Variants in GABRA1 observed in about 807,000 individuals in gnomAD.
The protein encoded by GABRA1 is gamma-aminobutyric acid receptor subunit alpha-1.
A neutral mutation model predicts 48.9 loss-of-function variants in GABRA1; 9 were observed. The observed-to-expected ratio is 0.18, with a 90% CI of 0.11 to 0.32. The LOEUF (loss-of-function observed/expected upper bound fraction) is 0.32. Among genes scored for constraint, GABRA1 ranks in the 10% least tolerant of loss-of-function variants. The probability of loss-of-function intolerance (pLI) is 1.00; values close to 1 mark genes in which losing one functional copy is unlikely to be tolerated. For synonymous variants in GABRA1, 210 were observed against 198.7 expected (o/e 1.06, Z -0.48); for missense variants, 285 against 553.8 (o/e 0.51, Z 4.87).
rs1364695111 is a variant in GABRA1 at position 161,898,554 on chromosome 5, T to C, written c.*1132T>C. ...TATGGAAATACATTTAGAACCTGCA[T>C]TTAAGAACAGAACAGCAAGTATGAA... On this transcript the variant is annotated 3_prime_UTR_variant, in exon 10 of 10. Coordinates refer to ENST00000393943, the MANE Select transcript of GABRA1 (RefSeq NM_001127644.2). 1.3e-5 allele frequency: 2 copies of C among 152,274 alleles called. No individual in the cohort carries two copies. Among genetic ancestry groups the C allele is most frequent in the Non-Finnish European group, 2.9e-5 (2 of 68,006 alleles). 9.4% of individuals were successfully genotyped at this position (152,274 alleles called of 1,614,324 possible). A position where few individuals can be genotyped will look rare whatever the true frequency, so the allele number is the denominator to read the frequency against.
chr5:161,860,299 A>G (rs1044684254), intron 3 of GABRA1, among the ~76,000 whole-genome samples: 2 of 151,598 alleles, frequency 1.3e-5, no homozygotes, highest in Admixed American at 1.3e-4. Context: ...CAGTGCCAAT[A>G]TTTTCCTGAG....
intron 3 of GABRA1, among the ~76,000 whole-genome samples, chr5:161,864,349 C>T (rs1294361390): frequency 6.6e-6 from 1 of 151,942 alleles, no homozygotes; most frequent in Non-Finnish European, 1.5e-5. Flanking sequence ...GCTATCCCTC[C>T]AAAAATATTG....
In GABRA1 at chr5:161,897,475, G is replaced by T; in HGVS notation, c.*53G>T. The T allele has an allele frequency of 6.8e-7, 1 of 1,468,248 alleles. No homozygotes were observed. The highest frequency in any genetic ancestry group is 1.1e-5 in the South Asian group (1 of 88,160). 91.0% of individuals were successfully genotyped at this position (1,468,248 alleles called of 1,614,324 possible). ...TCCTCTGCACTGGGAATTTATTTAT[G>T]TTCTCAACGCAGTAATTCCCATCTG... is the stretch of plus-strand genomic sequence containing the variant. On this transcript the variant is annotated 3_prime_UTR_variant, in exon 10 of 10. Coordinates refer to ENST00000393943, the MANE Select transcript of GABRA1 (RefSeq NM_001127644.2).
chr5:161,874,496 C>T (rs1205362987), intron 5 of GABRA1, among the ~76,000 whole-genome samples: 2 of 152,132 alleles, frequency 1.3e-5, no homozygotes, highest in Non-Finnish European at 2.9e-5. Flanking sequence ...ATCCAGTACT[C>T]ATTCCTCTTA....
intron 3 of GABRA1, among the ~76,000 whole-genome samples, chr5:161,857,215 T>C (rs557793300): frequency 1.3e-5 from 2 of 151,604 alleles, no homozygotes; most frequent in South Asian, 2.1e-4. Flanking sequence ...TTCTTTATTA[T>C]GACAAAAGTC....
At chr5:161,854,104 G>A in intron 2 of GABRA1, 54 bp from the exon 3 acceptor site, 2 of 898,324 alleles carry the variant, frequency 2.2e-6, no homozygotes, top group South Asian at 1.4e-5. Context: ...TTGGAAAGAG[G>A]TTTTAGTAGA....
intron 4 of GABRA1, among the ~76,000 whole-genome samples, chr5:161,866,348 T>C (rs1177335710): frequency 6.6e-6 from 1 of 152,092 alleles, no homozygotes; most frequent in Non-Finnish European, 1.5e-5. Context: ...ATACCTGCTC[T>C]TTTTTTCTAG....
chr5:161,870,321 G>A (rs150741509), intron 4 of GABRA1, among the ~76,000 whole-genome samples: 11,157 of 152,124 alleles, frequency 0.073, 467 homozygotes, highest in South Asian at 0.12. Context: ...CAGCACTTTG[G>A]GAGGCCGAGG....
At chr5:161,880,945 A>C (rs1253175583) in intron 6 of GABRA1, among the ~76,000 whole-genome samples, 3 of 152,232 alleles carry the variant, frequency 2.0e-5, no homozygotes, top group African/African-American at 7.2e-5. Context: ...TATGACTTTT[A>C]TGAGCCCTAG....
intron 5 of GABRA1, 43 bp downstream of exon 5, chr5:161,873,380 C>A (rs1159663647): frequency 2.1e-6 from 3 of 1,454,982 alleles, no homozygotes; most frequent in East Asian, 2.3e-5. Flanking sequence ...TTCTGTACTT[C>A]ATTCCCTTCC....
At chr5:161,862,527 A>C (rs936604807) in intron 3 of GABRA1, among the ~76,000 whole-genome samples, 4 of 151,850 alleles carry the variant, frequency 2.6e-5, no homozygotes, top group African/African-American at 9.7e-5. Flanking sequence ...TCTGAATTTA[A>C]TTAGCAGAAT....
intron 4 of GABRA1, among the ~76,000 whole-genome samples, chr5:161,871,222 T>G (rs1430128988): frequency 6.6e-6 from 1 of 152,108 alleles, no homozygotes; most frequent in East Asian, 1.9e-4. Context: ...TTTATTTTAT[T>G]TTCATAAAAC....
chr5:161,849,585 C>A (rs936602642), intron 1 of GABRA1, among the ~76,000 whole-genome samples: 1 of 151,938 alleles, frequency 6.6e-6, no homozygotes, highest in African/African-American at 2.4e-5. Context: ...AATGATTTCC[C>A]GAGACTGCAG....
intron 8 of GABRA1, among the ~76,000 whole-genome samples, chr5:161,895,426 A>C (rs1755317418): frequency 6.6e-6 from 1 of 152,130 alleles, no homozygotes; most frequent in African/African-American, 2.4e-5. Context: ...TCTGAAGAGC[A>C]CCTCAATAGC....
At chr5:161,867,233 A>AAG (rs1264104200) in intron 4 of GABRA1, among the ~76,000 whole-genome samples, 18 of 152,218 alleles carry the variant, frequency 1.2e-4, no homozygotes, top group African/African-American at 4.3e-4. Context: ...CTCATGTTGG[A>AAG]ACTCAGTCTT....
intron 2 of GABRA1, chr5:161,853,583 G>A (rs1757533779): frequency 6.6e-6 from 1 of 151,818 alleles, no homozygotes; most frequent in Admixed American, 6.6e-5. Flanking sequence ...ATTGGGTCAT[G>A]AATCTTAAGA....
chr5:161,893,962 G>C (rs1055436952), intron 8 of GABRA1, among the ~76,000 whole-genome samples: 3 of 152,008 alleles, frequency 2.0e-5, no homozygotes, highest in Non-Finnish European at 2.9e-5. Context: ...CTTCTCAACT[G>C]CTCTTAATTT....
chr5:161,879,865 A>T (rs777895064), intron 6 of GABRA1, among the ~76,000 whole-genome samples: 15 of 152,160 alleles, frequency 9.9e-5, no homozygotes, highest in Non-Finnish European at 1.8e-4. Context: ...TTCCCCCTCT[A>T]CAACTATATT....
intron 7 of GABRA1, among the ~76,000 whole-genome samples, chr5:161,889,595 G>A (rs1754998529): frequency 6.6e-6 from 1 of 152,066 alleles, no homozygotes. Context: ...CCAATATATT[G>A]AGATGTTGAA....
Sources: allele counts gnomAD v4.1 joint callset (sites outside exome capture counted in the v4.1 genomes callset), GRCh38; gene constraint gnomAD v4.1.1; transcripts MANE v1.5; gene names NCBI Gene and HGNC (gene_info 2026-07-23, HGNC 2026-07-21).